PRKN: variants seen among roughly 807,000 people sequenced by gnomAD.
PRKN encodes E3 ubiquitin-protein ligase parkin.
Under a neutral mutation model 59.5 loss-of-function variants are expected in PRKN, and 56 were observed. That is an observed-to-expected ratio of 0.94 (90% CI 0.76 to 1.18). The LOEUF (loss-of-function observed/expected upper bound fraction) is 1.18, where lower values mean the gene tolerates loss of function less well. PRKN is among the 50% of genes most tolerant of loss of function. PRKN has a pLI of 0.00. For missense variants in PRKN, 657 were observed against 596.4 expected, an observed-to-expected ratio of 1.10 and a Z score of -1.06; for synonymous variants, 250 against 222.1, an observed-to-expected ratio of 1.13 and a Z score of -1.12.
At chr6:161,999,900 T>C (rs1273437856) in intron 5 of PRKN, among the ~76,000 whole-genome samples, 2 of 152,012 alleles carry the variant, frequency 1.3e-5, no homozygotes, top group African/African-American at 4.8e-5. Context: ...ACTTGAAAAA[T>C]ACTGATAATT....
At chr6:161,711,878 G>A (rs187141556) in intron 7 of PRKN, among the ~76,000 whole-genome samples, 2 of 152,158 alleles carry the variant, frequency 1.3e-5, no homozygotes, top group Admixed American at 1.3e-4. Flanking sequence ...CCAGTGGTTT[G>A]CCAGGGGCTA....
chr6:161,945,195 T>A (rs1275935717), intron 6 of PRKN, among the ~76,000 whole-genome samples: 1 of 152,044 alleles, frequency 6.6e-6, no homozygotes, highest in Non-Finnish European at 1.5e-5. Flanking sequence ...AAAATAAGCA[T>A]CAGAAATAAT....
Position 161,604,356 on chromosome 6 carries a change from G to T in PRKN, c.872-34940C>A, listed in dbSNP as rs76975626. 2.9e-3 allele frequency among the ~76,000 whole-genome samples: 443 copies of T among 152,282 alleles called. 1 individual carries two copies. The highest frequency in any genetic ancestry group is 0.01 in the African/African-American group (424 of 41,560). On this transcript the variant is annotated intron_variant, in intron 7 of 11. Coordinates refer to ENST00000366898, the MANE Select transcript of PRKN (RefSeq NM_004562.3). ...CAGCTAGAGCGGGTTTTCAAAGTAG[G>T]AGTCATGAAGCTGCCTCCAGGAGGA...
At position 161,396,676 on chromosome 6, in the gene PRKN, A is replaced by G. The variant is rs565168678; in HGVS notation, c.1084-9799T>C. The stretch of plus-strand genomic sequence containing the variant: ...CAGCAAGGCACTAGACTCTGTAGAA[A>G]TGATTACGCTACGCCAGTAAAAATG... On this transcript the variant is annotated intron_variant, in intron 9 of 11. Coordinates refer to ENST00000366898, the MANE Select transcript of PRKN (RefSeq NM_004562.3). The surrounding 1 kb of genome is among the most constrained non-coding windows in gnomAD (Gnocchi z 5.4). 9.8e-5 allele frequency among the ~76,000 whole-genome samples: 15 copies of G among 152,342 alleles called. No homozygotes were observed. In the South Asian group the frequency reaches 2.7e-3, roughly 27 times the overall value.
At chr6:162,616,287 G>A (rs1562439430) in intron 1 of PRKN, among the ~76,000 whole-genome samples, 1 of 151,998 alleles carries the variant, frequency 6.6e-6, no homozygotes, top group Non-Finnish European at 1.5e-5. Context: ...TGGGGACAAG[G>A]GAGCTTGCCT....
chr6:162,620,232 T>A (rs1327752895), intron 1 of PRKN, among the ~76,000 whole-genome samples: 2 of 152,130 alleles, frequency 1.3e-5, no homozygotes, highest in East Asian at 3.9e-4. Context: ...ATATTTAAGC[T>A]GTCTTGTTGA....
At chr6:162,572,256 T>C (rs1353830634) in intron 1 of PRKN, among the ~76,000 whole-genome samples, 1 of 152,176 alleles carries the variant, frequency 6.6e-6, no homozygotes. Context: ...CTTACTATGA[T>C]CTCCTGCATA....
At chr6:162,145,773 C>A (rs1781998385) in intron 4 of PRKN, among the ~76,000 whole-genome samples, 1 of 152,124 alleles carries the variant, frequency 6.6e-6, no homozygotes, top group African/African-American at 2.4e-5. Context: ...CTGCAGAAAG[C>A]AACCAATCAG....
At chr6:161,434,307 T>C (rs1167549959) in intron 9 of PRKN, among the ~76,000 whole-genome samples, 1 of 109,408 alleles carries the variant, frequency 9.1e-6, no homozygotes, top group Non-Finnish European at 2.0e-5. Context: ...TACTTATTTC[T>C]GTGTCTGCTT....
At chr6:162,417,742 C>T (rs1788706930) in intron 2 of PRKN, among the ~76,000 whole-genome samples, 1 of 152,214 alleles carries the variant, frequency 6.6e-6, no homozygotes, top group African/African-American at 2.4e-5. Context: ...CGGTTTCTAG[C>T]TCAGTTCATG....
chr6:162,145,240 G>GT (rs1781971598), intron 4 of PRKN, among the ~76,000 whole-genome samples: 1 of 152,262 alleles, frequency 6.6e-6, no homozygotes, highest in Admixed American at 6.5e-5. Flanking sequence ...GGGTTTAGCT[G>GT]TTTAATAAAG....
intron 10 of PRKN, among the ~76,000 whole-genome samples, chr6:161,383,020 G>A (rs1052158482): frequency 6.6e-6 from 1 of 152,146 alleles, no homozygotes; most frequent in Admixed American, 6.5e-5. Flanking sequence ...GGCTGATGAG[G>A]GTATTTAGTT....
At chr6:162,706,581 A>G (rs1291900674) in intron 1 of PRKN, among the ~76,000 whole-genome samples, 1 of 152,122 alleles carries the variant, frequency 6.6e-6, no homozygotes, top group Non-Finnish European at 1.5e-5. Context: ...AGCTTCCTGG[A>G]CTCATATCCT....
intron 7 of PRKN, among the ~76,000 whole-genome samples, chr6:161,697,924 A>G (rs972814702): frequency 2.6e-5 from 4 of 152,028 alleles, no homozygotes; most frequent in Non-Finnish European, 5.9e-5. Flanking sequence ...GTATTTATAG[A>G]TTCATTACTC....
At chr6:162,663,990 A>G (rs1428650766) in intron 1 of PRKN, among the ~76,000 whole-genome samples, 1 of 151,200 alleles carries the variant, frequency 6.6e-6, no homozygotes, top group East Asian at 1.9e-4. Context: ...ACATAGGTAT[A>G]TGTGTGCCAT....
At chr6:162,600,153 ACT>A in intron 1 of PRKN, among the ~76,000 whole-genome samples, 2 of 151,972 alleles carry the variant, frequency 1.3e-5, no homozygotes, top group Non-Finnish European at 2.9e-5. Context: ...GCGTTCCCTA[ACT>A]CTCAGCAGTA....
chr6:162,125,684 C>T (rs528847513), intron 4 of PRKN, among the ~76,000 whole-genome samples: 17 of 152,258 alleles, frequency 1.1e-4, no homozygotes, highest in African/African-American at 3.6e-4. Flanking sequence ...GGTAACGTAC[C>T]ATGGCCAAAG....
At chr6:161,380,100 G>GAGT (rs1785902182) in intron 10 of PRKN, among the ~76,000 whole-genome samples, 1 of 152,112 alleles carries the variant, frequency 6.6e-6, no homozygotes, top group Non-Finnish European at 1.5e-5. Context: ...ACAGTCAAGG[G>GAGT]AGTGTCTTCC....
Position 161,379,413 on chromosome 6 carries a change from C to T in PRKN, c.1167+7381G>A, listed in dbSNP as rs985474063. 5.3e-5 allele frequency among the ~76,000 whole-genome samples: 8 copies of T among 152,162 alleles called. No homozygotes were observed. Among genetic ancestry groups the T allele is most frequent in the African/African-American group, 1.9e-4 (8 of 41,434 alleles). On this transcript the variant is annotated intron_variant, in intron 10 of 11. Coordinates refer to ENST00000366898, the MANE Select transcript of PRKN (RefSeq NM_004562.3). This position sits in a 1 kb window ranked among gnomAD's most constrained non-coding sequence, Gnocchi z 4.9. ...ACATATAGTTTACCCTGCTAACCTTCCATTTGTACATTTCTCCAGTCTCTC... is the reference window on the plus strand; with the variant it reads ...ACATATAGTTTACCCTGCTAACCTTTCATTTGTACATTTCTCCAGTCTCTC...
Sources: allele counts gnomAD v4.1 joint callset (sites outside exome capture counted in the v4.1 genomes callset), GRCh38; gene constraint gnomAD v4.1.1; non-coding constraint Gnocchi (gnomAD v3.1); transcripts MANE v1.5; gene names NCBI Gene and HGNC (gene_info 2026-07-23, HGNC 2026-07-21).